The following TP53BP1 variants were observed in gnomAD, a reference collection of about 807,000 sequenced individuals.
TP53BP1 encodes the protein TP53-binding protein 1.
TP53BP1 carries 61 observed loss-of-function variants against 200.8 expected under a neutral mutation model. The observed-to-expected ratio is 0.30, with a 90% CI of 0.25 to 0.38. The LOEUF (loss-of-function observed/expected upper bound fraction) is 0.38. Ranked by LOEUF, TP53BP1 falls within the 10% of genes least tolerant of loss-of-function variation. TP53BP1 has a pLI of 1.00. For missense variants in TP53BP1, 2,144 were observed against 2,371.9 expected (o/e 0.90, Z 2.00); for synonymous variants, 822 against 844.3 (o/e 0.97, Z 0.46).
chr15:43,505,307 AG>A (rs1156700518), intron 1 of TP53BP1, among the ~76,000 whole-genome samples: 1 of 152,236 alleles, frequency 6.6e-6, no homozygotes, highest in Non-Finnish European at 1.5e-5. Flanking sequence ...TTATATAGTT[AG>A]GTTTGAATCC....
chr15:43,482,725 G>A (rs1277519016), intron 4 of TP53BP1, among the ~76,000 whole-genome samples: 4 of 151,922 alleles, frequency 2.6e-5, no homozygotes, highest in African/African-American at 7.3e-5. Flanking sequence ...CCAAGATCAC[G>A]CTACTGCACT....
intron 24 of TP53BP1, among the ~76,000 whole-genome samples, chr15:43,412,015 C>T (rs1283146528): frequency 6.6e-6 from 1 of 152,080 alleles, no homozygotes; most frequent in Non-Finnish European, 1.5e-5. Flanking sequence ...TTTTCCTGTC[C>T]AGGAAACTCT....
In TP53BP1 at chr15:43,456,105, A is replaced by G. The variant is rs2046288257; in HGVS notation, c.2503T>C (p.Ser835Pro). The change falls in exon 12 of 28, where the codon TCT (serine) becomes CCT (proline). Residue 835 changes from serine to proline, a missense_variant. Ser to Pro is a moderately conservative substitution (Grantham distance 74, BLOSUM62 -1). Around this residue, in one of 4 missense-constraint regions of TP53BP1, gnomAD observed 1,700 missense variants for 1,710.3 expected, o/e 0.99. Transcript: ENST00000382044. Reference protein sequence around the residue: ...TAETEPVEQDSSQPSLPLVRA... With the variant: ...TAETEPVEQDPSQPSLPLVRA... ...ACTAAAGGTAAGGAAGGCTGTGAAG[A>G]ATCTTGCTCTACAGGTTCTGTTTCT... is the stretch of plus-strand genomic sequence containing the variant. 2.5e-6 allele frequency: 4 copies of G among 1,614,092 alleles called. No individual in the cohort carries two copies. The African/African-American group carries it at 4.0e-5, about 16-fold the overall frequency.
chr15:43,439,936 A>G (rs912141309), intron 15 of TP53BP1, among the ~76,000 whole-genome samples: 3 of 152,214 alleles, frequency 2.0e-5, no homozygotes, highest in South Asian at 2.1e-4. Context: ...CTAAGACTAT[A>G]TATCATTAAG....
intron 13 of TP53BP1, chr15:43,446,819 G>A (rs2046052411): frequency 1.4e-6 from 2 of 1,479,412 alleles, no homozygotes; most frequent in African/African-American, 1.4e-5. Flanking sequence ...CTGGACAAAG[G>A]ATGCTGCATG....
chr15:43,422,969 A>C (rs2045440401), intron 18 of TP53BP1, among the ~76,000 whole-genome samples: 1 of 151,714 alleles, frequency 6.6e-6, no homozygotes, highest in African/African-American at 2.4e-5. Flanking sequence ...ACTCCAGCCT[A>C]GGTAATAGCA....
rs2079137588 is a variant in TP53BP1 at position 43,492,375 on chromosome 15, C to T, written c.101G>A (p.Ser34Asn). ...ACCAGAATCATCCTCTAGAACCTGG[C>T]TTTCAGGCTGAGAATCTTCAATTAT... ...CLIIEDSQPESQVLEDDSGSH... is the reference protein window; with the variant it reads ...CLIIEDSQPENQVLEDDSGSH... The change falls in exon 2 of 28, where the codon AGC (serine) becomes AAC (asparagine). Residue 34 changes from serine to asparagine, a missense_variant. Ser to Asn is a conservative substitution (Grantham distance 46). Around this residue, in one of 4 missense-constraint regions of TP53BP1, gnomAD observed 1,700 missense variants for 1,710.3 expected, o/e 0.99. Transcript: ENST00000382044. 6.2e-7 allele frequency: 1 copy of T among 1,614,092 alleles called. No homozygotes were observed. The highest frequency in any genetic ancestry group is 2.2e-5 in the East Asian group (1 of 44,884).
Position 43,420,706 on chromosome 15 carries a change from A to G in TP53BP1, c.4280T>C (p.Ile1427Thr), listed in dbSNP as rs780470573. ...RETAVPGPLG[I>T]EDISPNLSPD... ...TGACAAGTTAGGTGAAATGTCCTCTATGCCCAAGGGGCCAGGCACAGCTGT... is the reference window on the plus strand; with the variant it reads ...TGACAAGTTAGGTGAAATGTCCTCTGTGCCCAAGGGGCCAGGCACAGCTGT... Residue 1427 changes from isoleucine to threonine, a missense_variant, in exon 21 of 28, where the codon ATA (isoleucine) becomes ACA (threonine). Physicochemically the swap from Ile to Thr is moderately conservative, Grantham distance 89 (BLOSUM62 -1). Around this residue, in one of 4 missense-constraint regions of TP53BP1, gnomAD observed 1,700 missense variants for 1,710.3 expected, o/e 0.99. Coordinates refer to ENST00000382044, the MANE Select transcript of TP53BP1 (RefSeq NM_001141980.3). The G allele has an allele frequency of 2.4e-5, 39 of 1,614,024 alleles. No homozygotes were observed. Among genetic ancestry groups the G allele is most frequent in the Non-Finnish European group, 3.1e-5 (36 of 1,180,004 alleles).
intron 14 of TP53BP1, among the ~76,000 whole-genome samples, chr15:43,442,395 T>C (rs957855007): frequency 6.6e-6 from 1 of 152,138 alleles, no homozygotes; most frequent in Non-Finnish European, 1.5e-5. Flanking sequence ...TGGCTATTTC[T>C]TGTAATTTAA....
intron 18 of TP53BP1, among the ~76,000 whole-genome samples, chr15:43,426,439 CA>C (rs538087512): frequency 2.7e-3 from 153 of 56,768 alleles, no homozygotes; most frequent in South Asian, 0.012. Flanking sequence ...GACTCTGTGT[CA>C]AAAAAAAAAA....
At chr15:43,461,204 G>A (rs983548968) in intron 11 of TP53BP1, among the ~76,000 whole-genome samples, 5 of 149,816 alleles carry the variant, frequency 3.3e-5, no homozygotes, top group Non-Finnish European at 7.4e-5. Flanking sequence ...TACCTTAAAT[G>A]GTTACAAATA....
At chr15:43,475,186 G>A (rs28488877) in intron 9 of TP53BP1, among the ~76,000 whole-genome samples, 1 of 152,044 alleles carries the variant, frequency 6.6e-6, no homozygotes, top group Admixed American at 6.6e-5. Flanking sequence ...ACCAACAAGC[G>A]AACCTCTTTG....
At position 43,407,033 on chromosome 15, in the gene TP53BP1, G is replaced by C; in HGVS notation, c.*350C>G. ...GAGTTTCTGCAAGCATAGCATTTTA[G>C]ACACCCTGGAATAACCTTTTGGGAA... is the stretch of plus-strand genomic sequence containing the variant. On this transcript the variant is annotated 3_prime_UTR_variant, in exon 28 of 28. Coordinates refer to ENST00000382044, the MANE Select transcript of TP53BP1 (RefSeq NM_001141980.3). 4.1e-6 allele frequency: 1 copy of C among 244,912 alleles called. No homozygotes were observed. The highest frequency in any genetic ancestry group is 5.7e-5 in the South Asian group (1 of 17,572). 15.2% of individuals were successfully genotyped at this position (244,912 alleles called of 1,614,324 possible).
Position 43,404,402 on chromosome 15 carries a change from T to C in TP53BP1, c.*2981A>G, listed in dbSNP as rs1292929142. ...TGAAGTGGAATGACAGCTGAGTCCT[T>C]CTCTCTGCAGGGCTTTAGCCGCCAG... On this transcript the variant is annotated 3_prime_UTR_variant, in exon 28 of 28. Coordinates refer to ENST00000382044, the MANE Select transcript of TP53BP1 (RefSeq NM_001141980.3). The C allele has an allele frequency of 1.9e-6, 3 of 1,613,894 alleles. No homozygotes were observed. The highest frequency in any genetic ancestry group is 1.7e-6 in the Non-Finnish European group (2 of 1,179,968).
Position 43,492,103 on chromosome 15 carries a change from A to G in TP53BP1, c.193-8T>C. 6.2e-7 allele frequency: 1 copy of G among 1,604,022 alleles called. No homozygotes were observed. The highest frequency in any genetic ancestry group is 8.5e-7 in the Non-Finnish European group (1 of 1,170,970). On this transcript the variant is annotated splice_region_variant and splice_polypyrimidine_tract_variant and intron_variant, in intron 2 of 27. Transcript: ENST00000382044. The stretch of plus-strand genomic sequence containing the variant: ...AGGATTGGACACAACATCCTAGAAA[A>G]TACACATACAAAATATCCCCATTAT...
chr15:43,451,164 G>A (rs1443497976), intron 12 of TP53BP1, among the ~76,000 whole-genome samples: 2 of 151,698 alleles, frequency 1.3e-5, no homozygotes, highest in Non-Finnish European at 2.9e-5. Flanking sequence ...TCAGACTGAA[G>A]AACCATTACT....
chr15:43,404,974 G>T lies in TP53BP1; in HGVS notation c.*2409C>A. ...TGATACCGAGATTCAGTGGTAGCTG[G>T]CTTCCCAGAGGTCTGTCATTCCCAT... On this transcript the variant is annotated 3_prime_UTR_variant, in exon 28 of 28. Transcript: ENST00000382044. 1.9e-6 allele frequency: 1 copy of T among 537,072 alleles called. No homozygotes were observed. Among genetic ancestry groups the T allele is most frequent in the South Asian group, 2.8e-5 (1 of 35,558 alleles). The allele number at this position is 537,072 out of a possible 1,614,324, so 33.3% of individuals were successfully genotyped here.
intron 12 of TP53BP1, among the ~76,000 whole-genome samples, chr15:43,452,937 G>C (rs1005450629): frequency 3.5e-4 from 53 of 152,280 alleles, no homozygotes; most frequent in African/African-American, 1.2e-3. Context: ...GCTCACGCCT[G>C]TAATCCCAGC....
chr15:43,421,722 G>A, intron 19 of TP53BP1, 133 bp downstream of exon 19: 1 of 1,269,432 alleles, frequency 7.9e-7, no homozygotes. Context: ...AGAGCAAATA[G>A]TGAAGAGGGG....
Sources: allele counts gnomAD v4.1 joint callset (sites outside exome capture counted in the v4.1 genomes callset), GRCh38; gene constraint gnomAD v4.1.1; regional missense constraint gnomAD v4.1.1; transcripts MANE v1.5; gene names NCBI Gene and HGNC (gene_info 2026-07-23, HGNC 2026-07-21).